ARHGAP5: variants seen among roughly 807,000 people sequenced by gnomAD.
ARHGAP5 encodes Rho GTPase activating protein 5, also known as rho GTPase-activating protein 5.
Under a neutral mutation model 116.6 loss-of-function variants are expected in ARHGAP5, and 23 were observed. That is an observed-to-expected ratio of 0.20 (90% CI 0.14 to 0.28). ARHGAP5 has a LOEUF of 0.28. Among genes scored for constraint, ARHGAP5 ranks in the 10% least tolerant of loss-of-function variants. ARHGAP5 has a pLI of 1.00. For missense variants in ARHGAP5, 1,405 were observed against 1,774.8 expected, an observed-to-expected ratio of 0.79 and a Z score of 3.74; for synonymous variants, 574 against 602.0, an observed-to-expected ratio of 0.95 and a Z score of 0.68.
intron 3 of ARHGAP5, among the ~76,000 whole-genome samples, chr14:32,126,523 C>T (rs1880162543): frequency 6.6e-6 from 1 of 152,200 alleles, no homozygotes; most frequent in African/African-American, 2.4e-5. Flanking sequence ...ATGACCACAT[C>T]TTACCTTAAC....
chr14:32,122,001 A>C (rs942945288), intron 3 of ARHGAP5, among the ~76,000 whole-genome samples: 2 of 152,192 alleles, frequency 1.3e-5, no homozygotes. Flanking sequence ...GCTGCTGTGA[A>C]CATTACTTTC....
At position 32,155,482 on chromosome 14, in the gene ARHGAP5, T is replaced by C. The variant is rs1447802974; in HGVS notation, c.*534T>C. Reference sequence around the variant, plus strand: ...GATGTTGTTTGAAAGAAAGAAAAAATACACTTGACATATTTCACATTTCTG... The same window carrying C: ...GATGTTGTTTGAAAGAAAGAAAAAACACACTTGACATATTTCACATTTCTG... On this transcript the variant is annotated 3_prime_UTR_variant, in exon 7 of 7. Transcript: ENST00000345122. 2 of 153,036 alleles carry C rather than the reference T, an allele frequency of 1.3e-5. No homozygotes were observed. The highest frequency in any genetic ancestry group is 4.8e-5 in the African/African-American group (2 of 41,462). 9.5% of individuals were successfully genotyped at this position (153,036 alleles called of 1,614,324 possible). A position where few individuals can be genotyped will look rare whatever the true frequency, so the allele number is the denominator to read the frequency against.
At chr14:32,102,800 A>T (rs1471073596) in intron 2 of ARHGAP5, among the ~76,000 whole-genome samples, 1 of 152,206 alleles carries the variant, frequency 6.6e-6, no homozygotes, top group Non-Finnish European at 1.5e-5. Context: ...GTGTTTAACT[A>T]CAATTTATTT....
chr14:32,114,065 A>G (rs1879436325), intron 2 of ARHGAP5, among the ~76,000 whole-genome samples: 1 of 152,104 alleles, frequency 6.6e-6, no homozygotes. Flanking sequence ...CATCTCTACT[A>G]AAAATACAAA....
chr14:32,079,433 C>G (rs79479381), intron 1 of ARHGAP5, among the ~76,000 whole-genome samples: 3,874 of 152,204 alleles, frequency 0.025, 56 homozygotes, highest in Non-Finnish European at 0.039. Flanking sequence ...AAATTATTAC[C>G]TTAATTCTGT....
At chr14:32,145,769 G>A (rs1243031342) in intron 3 of ARHGAP5, among the ~76,000 whole-genome samples, 1 of 152,052 alleles carries the variant, frequency 6.6e-6, no homozygotes, top group Non-Finnish European at 1.5e-5. Flanking sequence ...ATTTTGTCAG[G>A]AGCTGAATGT....
At chr14:32,105,375 A>G (rs1878964124) in intron 2 of ARHGAP5, among the ~76,000 whole-genome samples, 1 of 152,130 alleles carries the variant, frequency 6.6e-6, no homozygotes. Context: ...CCATTTTCAT[A>G]CTAGTTGAGG....
rs541057678 is a variant in ARHGAP5 at position 32,150,438 on chromosome 14, A to G, written c.4075+405A>G. Among the ~76,000 whole-genome samples the G allele has an allele frequency of 3.9e-5, 6 of 152,336 alleles. 1 individual carries two copies. Among genetic ancestry groups the G allele is most frequent in the African/African-American group, 1.2e-4 (5 of 41,580 alleles). ...GAATACTACAGACTGCATAATTTAT[A>G]AAGTAATTTATTTCTTACAGTTCTA... is the stretch of plus-strand genomic sequence containing the variant. On this transcript the variant is annotated intron_variant, in intron 5 of 6. Coordinates refer to ENST00000345122, the MANE Select transcript of ARHGAP5 (RefSeq NM_001030055.2).
chr14:32,133,402 G>C (rs577184724), intron 3 of ARHGAP5, among the ~76,000 whole-genome samples: 1 of 152,168 alleles, frequency 6.6e-6, no homozygotes, highest in African/African-American at 2.4e-5. Context: ...TGGTGCATAA[G>C]AATGCTTTTG....
chr14:32,110,578 G>A (rs530365218), intron 2 of ARHGAP5, among the ~76,000 whole-genome samples: 33 of 152,242 alleles, frequency 2.2e-4, no homozygotes, highest in Non-Finnish European at 3.2e-4. Flanking sequence ...CGTAAATGAT[G>A]AGGGAAATTA....
chr14:32,130,106 A>T (rs962911504), intron 3 of ARHGAP5, among the ~76,000 whole-genome samples: 5 of 151,178 alleles, frequency 3.3e-5, no homozygotes, highest in East Asian at 1.9e-4. Flanking sequence ...TATGTAATAA[A>T]ATATATATAT....
At chr14:32,081,659 T>G (rs548273544) in intron 1 of ARHGAP5, among the ~76,000 whole-genome samples, 1 of 152,014 alleles carries the variant, frequency 6.6e-6, no homozygotes, top group South Asian at 2.1e-4. Flanking sequence ...AGGGGTGATG[T>G]AGAAATAAAC....
chr14:32,131,621 A>G (rs1205937527), intron 3 of ARHGAP5, among the ~76,000 whole-genome samples: 1 of 152,072 alleles, frequency 6.6e-6, no homozygotes, highest in Non-Finnish European at 1.5e-5. Context: ...TTTAGGGTAC[A>G]TGTGCACAAC....
intron 1 of ARHGAP5, among the ~76,000 whole-genome samples, chr14:32,080,176 T>C (rs2041757482): frequency 6.6e-6 from 1 of 151,998 alleles, no homozygotes; most frequent in African/African-American, 2.4e-5. Context: ...TTTCAAACTC[T>C]GTTCCTTGGA....
rs945782712 is a variant in ARHGAP5, at chr14:32,159,002, A to G, written c.*4054A>G. On this transcript the variant is annotated 3_prime_UTR_variant, in exon 7 of 7. Transcript: ENST00000345122. ...CTCCACTATATGAGTTTTCTTTGTC[A>G]GGGGGAGAGGAGTGGGAAGAGTCAC... The G allele has an allele frequency of 6.6e-6, 1 of 151,652 alleles. No homozygotes were observed. Among genetic ancestry groups the G allele is most frequent in the African/African-American group, 2.4e-5 (1 of 41,102 alleles). The allele number at this position is 151,652 out of a possible 1,614,324, so 9.4% of individuals were successfully genotyped here.
In ARHGAP5 at chr14:32,148,670, A is replaced by G. The variant is rs556662400; in HGVS notation, c.3944-1232A>G. Among the ~76,000 whole-genome samples the G allele has an allele frequency of 5.7e-3, 868 of 152,326 alleles. 8 individuals carry two copies. Among genetic ancestry groups the G allele is most frequent in the African/African-American group, 0.02 (821 of 41,566 alleles). Reference sequence around the variant, plus strand: ...ATTGTATAATCTAAGGAAATATTTCACAGCCATTAAAATTGTTTATGTAGG... The same window carrying G: ...ATTGTATAATCTAAGGAAATATTTCGCAGCCATTAAAATTGTTTATGTAGG... On this transcript the variant is annotated intron_variant, in intron 4 of 6. Transcript: ENST00000345122.
In ARHGAP5 at chr14:32,090,759, T is replaced by C; in HGVS notation, c.90T>C (p.Cys30=). ...GGACTGAAAAAGACAAAGGTAACTG[T>C]GGAGTTGGAAAGTCTTGTTTGTGCA... The part of the protein sequence containing the change: ...LSGTEKDKGN[C]GVGKSCLCNR... The change falls in exon 2 of 7, where the codon TGT becomes TGC. Residue 30 remains cysteine, a synonymous_variant. Coordinates refer to ENST00000345122, the MANE Select transcript of ARHGAP5 (RefSeq NM_001030055.2). The C allele has an allele frequency of 6.2e-7, 1 of 1,613,592 alleles. No individual in the cohort carries two copies. Among genetic ancestry groups the C allele is most frequent in the Non-Finnish European group, 8.5e-7 (1 of 1,179,608 alleles).
intron 3 of ARHGAP5, among the ~76,000 whole-genome samples, chr14:32,138,618 A>T (rs967981604): frequency 1.3e-5 from 2 of 151,836 alleles, no homozygotes; most frequent in Non-Finnish European, 2.9e-5. Flanking sequence ...ATTCTTTAGG[A>T]TTTTCTGCAT....
chr14:32,105,921 A>AT (rs945817666), intron 2 of ARHGAP5, among the ~76,000 whole-genome samples: 38 of 152,328 alleles, frequency 2.5e-4, no homozygotes, highest in African/African-American at 8.7e-4. Flanking sequence ...TGCCCTTGAG[A>AT]TTCAGCCAAG....
Sources: allele counts gnomAD v4.1 joint callset (sites outside exome capture counted in the v4.1 genomes callset), GRCh38; gene constraint gnomAD v4.1.1; transcripts MANE v1.5; gene names NCBI Gene and HGNC (gene_info 2026-07-23, HGNC 2026-07-21).